SPATA21: variants seen among roughly 807,000 people sequenced by gnomAD.
SPATA21 encodes the protein spermatogenesis-associated protein 21.
Under a neutral mutation model 54.8 loss-of-function variants are expected in SPATA21, and 47 were observed. The ratio of observed to expected loss-of-function variants is 0.86; its 90% CI spans 0.68 to 1.09. The LOEUF (loss-of-function observed/expected upper bound fraction) is 1.09, where lower values mean the gene tolerates loss of function less well. Ranked by LOEUF, SPATA21 falls within the 50% of genes least tolerant of loss-of-function variation. The pLI is 0.00. For synonymous variants in SPATA21, 245 were observed against 235.3 expected (o/e 1.04, Z -0.38); for missense variants, 599 against 596.4 (o/e 1.00, Z -0.05).
chr1:16,434,076 G>C (rs1168780005), intron 1 of SPATA21, among the ~76,000 whole-genome samples: 1 of 151,838 alleles, frequency 6.6e-6, no homozygotes, highest in Non-Finnish European at 1.5e-5. Flanking sequence ...TGTCTATTCC[G>C]AACATTCCAT....
chr1:16,409,865 T>C lies in SPATA21; in HGVS notation c.323A>G (p.Gln108Arg). The C allele has an allele frequency of 6.2e-7, 1 of 1,610,720 alleles. No individual in the cohort carries two copies. Among genetic ancestry groups the C allele is most frequent in the South Asian group, 1.1e-5 (1 of 90,530 alleles). ...SHRRASKARSQTAQKSPRTLT... is the reference protein window; with the variant it reads ...SHRRASKARSRTAQKSPRTLT... ...GGTCCTGGGCGACTTCTGGGCTGTC[T>C]GGGACCGGGCCTTCGAGGCTCTCCG... Residue 108 changes from glutamine to arginine, a missense_variant, in exon 6 of 13, where the codon CAG (glutamine) becomes CGG (arginine). Coordinates refer to ENST00000335496, the MANE Select transcript of SPATA21 (RefSeq NM_198546.1). This position sits in a 1 kb window ranked among gnomAD's most constrained non-coding sequence, Gnocchi z 4.1.
chr1:16,425,191 C>T (rs1414895382), intron 3 of SPATA21: 8 of 490,144 alleles, frequency 1.6e-5, no homozygotes, highest in African/African-American at 5.8e-5. Context: ...GATTAACAGG[C>T]GTGAGCCACC....
At chr1:16,436,386 C>CAAA (rs59926630) in intron 1 of SPATA21, among the ~76,000 whole-genome samples, 21 of 84,550 alleles carry the variant, frequency 2.5e-4, no homozygotes, top group Admixed American at 8.1e-4. Context: ...GACTCTGTCT[C>CAAA]AAAAAAAAAA....
chr1:16,430,222 G>A (rs2086425873), intron 3 of SPATA21, among the ~76,000 whole-genome samples: 1 of 151,368 alleles, frequency 6.6e-6, no homozygotes, highest in Admixed American at 6.6e-5. Flanking sequence ...GAGCCCATGA[G>A]TTCAAGACCA....
rs1557665503 is a variant in SPATA21 at position 16,421,608 on chromosome 1, G to T, written c.96-51C>A. 1.9e-6 allele frequency: 3 copies of T among 1,554,658 alleles called. No homozygotes were observed. The highest frequency in any genetic ancestry group is 1.2e-5 in the South Asian group (1 of 85,406). On this transcript the variant is annotated intron_variant, in intron 4 of 12. Transcript: ENST00000335496. This position sits in a 1 kb window ranked among gnomAD's most constrained non-coding sequence, Gnocchi z 5.2. ...GGGGGAAGCGCTCAGCTGAAGGTTT[G>T]CCCCCCTGCCCTCCCCTCTCAGCCC...
chr1:16,424,856 T>C (rs1039988046), intron 3 of SPATA21: 5 of 196,952 alleles, frequency 2.5e-5, no homozygotes, highest in Non-Finnish European at 5.3e-5. Context: ...TGGCACCTCC[T>C]CCCTCCCCCC....
In SPATA21 at chr1:16,398,763, GGT is replaced by G; in HGVS notation, c.1410_*1del. 1.2e-6 allele frequency: 2 copies of G among 1,613,852 alleles called. No homozygotes were observed. Among genetic ancestry groups the G allele is most frequent in the South Asian group, 2.2e-5 (2 of 91,068 alleles). ...GCTGCCTAGAGTCAGGCCTCCAGAG[GGT>G]CAGTGGGTTCGAGCTGGCACAGAGC... On this transcript the variant is annotated stop_lost and 3_prime_UTR_variant, in exon 13 of 13. Transcript: ENST00000335496.
Position 16,409,644 on chromosome 1 carries a change from A to G in SPATA21, c.544T>C (p.Leu182=), listed in dbSNP as rs1414909171. 1.6e-5 allele frequency: 26 copies of G among 1,613,030 alleles called. No homozygotes were observed. Among genetic ancestry groups the G allele is most frequent in the Admixed American group, 3.3e-5 (2 of 60,002 alleles). ...LDLGWRRMEL[L]HQSSERTLSY... ...AGGGTTCTCTCGCTGCTCTGGTGCA[A>G]GAGTTCCATCCTTCTCCAGCCCAGG... Residue 182 remains leucine, a synonymous_variant, in exon 6 of 13, where the codon TTG becomes CTG. Transcript: ENST00000335496. The surrounding 1 kb of genome is among the most constrained non-coding windows in gnomAD (Gnocchi z 4.1).
At chr1:16,429,977 C>A (rs2086417072) in intron 3 of SPATA21, among the ~76,000 whole-genome samples, 1 of 150,366 alleles carries the variant, frequency 6.7e-6, no homozygotes, top group Non-Finnish European at 1.5e-5. Flanking sequence ...CCAGCCTGTC[C>A]AACATGGTGA....
rs540903673 is a variant in SPATA21, at chr1:16,428,749, C to T, written c.34+2589G>A. On this transcript the variant is annotated intron_variant, in intron 3 of 12. Transcript: ENST00000335496. The surrounding 1 kb of genome is among the most constrained non-coding windows in gnomAD (Gnocchi z 4.3). ...GACCTGGAGCCAGTGACTGAGACCC[C>T]GCTCCAAGCATCACCGGAGTCAGCA... 3.9e-5 allele frequency among the ~76,000 whole-genome samples: 6 copies of T among 152,112 alleles called. No homozygotes were observed. The highest frequency in any genetic ancestry group is 2.1e-4 in the South Asian group (1 of 4,812).
At position 16,398,841 on chromosome 1, in the gene SPATA21, C is replaced by G; in HGVS notation, c.1353-19G>C. On this transcript the variant is annotated intron_variant, in intron 12 of 12. Transcript: ENST00000335496. ...GTGTTCCCTGGGGAGAGGAGTAGGG[C>G]AGAAGGGTGGGAGACATGTGGCCCT... The G allele has an allele frequency of 1.9e-6, 3 of 1,610,166 alleles. No homozygotes were observed. Among genetic ancestry groups the G allele is most frequent in the Non-Finnish European group, 2.5e-6 (3 of 1,178,176 alleles).
intron 10 of SPATA21, 42 bp from the exon 11 acceptor site, chr1:16,400,934 A>C (rs2085428831): frequency 6.3e-7 from 1 of 1,592,028 alleles, no homozygotes; most frequent in Non-Finnish European, 8.6e-7. Context: ...GGCTGTGTTT[A>C]ATTCACCCTT....
At chr1:16,399,273 C>T in intron 12 of SPATA21, 71 bp downstream of exon 12, 1 of 1,469,488 alleles carries the variant, frequency 6.8e-7, no homozygotes, top group South Asian at 1.4e-5. Context: ...GATTCCCAGG[C>T]ATTAGGCCAG....
chr1:16,404,055 G>C lies in SPATA21; in HGVS notation c.812-16C>G. On this transcript the variant is annotated splice_polypyrimidine_tract_variant and intron_variant, in intron 8 of 12. Coordinates refer to ENST00000335496, the MANE Select transcript of SPATA21 (RefSeq NM_198546.1). ...CGACCATCTCCTGTGGAGGCCAGAG[G>C]AGTAGGGTGGGCAGGGACCTTCGGA... 1 of 1,552,098 alleles carries C rather than the reference G, an allele frequency of 6.4e-7. No homozygotes were observed. The highest frequency in any genetic ancestry group is 8.7e-7 in the Non-Finnish European group (1 of 1,147,224).
rs536071049 is a variant in SPATA21 at position 16,420,725 on chromosome 1, G to T, written c.144+784C>A. On this transcript the variant is annotated intron_variant, in intron 5 of 12. Transcript: ENST00000335496. ...GCAGCCAAATCAAGGCAGGGAGGGT[G>T]GTGGGTTTGGGGATGCTTCTTCTCA... 3.9e-5 allele frequency among the ~76,000 whole-genome samples: 6 copies of T among 152,136 alleles called. No individual in the cohort carries two copies. The South Asian group carries it at 1.2e-3, about 32-fold the overall frequency.
At chr1:16,400,106 A>T (rs943799346) in intron 11 of SPATA21, among the ~76,000 whole-genome samples, 5 of 151,388 alleles carry the variant, frequency 3.3e-5, no homozygotes, top group African/African-American at 9.7e-5. Flanking sequence ...GGCTCACTGC[A>T]ACCTCCATCT....
At chr1:16,417,682 A>C (rs536706216) in intron 5 of SPATA21, among the ~76,000 whole-genome samples, 78 of 151,742 alleles carry the variant, frequency 5.1e-4, no homozygotes, top group African/African-American at 1.8e-3. Context: ...TGATCCGCCC[A>C]CCTCGGCCTC....
intron 7 of SPATA21, among the ~76,000 whole-genome samples, chr1:16,407,685 C>T (rs1484286884): frequency 2.0e-5 from 3 of 152,086 alleles, no homozygotes; most frequent in Non-Finnish European, 4.4e-5. Context: ...GTCTCGAACT[C>T]CTGACCTCGT....
intron 5 of SPATA21, among the ~76,000 whole-genome samples, chr1:16,411,377 G>A (rs1273622849): frequency 6.6e-6 from 1 of 151,872 alleles, no homozygotes; most frequent in Non-Finnish European, 1.5e-5. Context: ...TGTAGAGACA[G>A]GGTCTTGTCT....
Sources: gnomAD v4.1 joint callset for allele counts (sites outside exome capture counted in the v4.1 genomes callset) on GRCh38, gnomAD v4.1.1 for gene constraint, Gnocchi (gnomAD v3.1) non-coding constraint, MANE v1.5 for transcripts, NCBI Gene and HGNC (gene_info 2026-07-23, HGNC 2026-07-21) for gene names.